OR8B2: variants seen among roughly 807,000 people sequenced by gnomAD.
OR8B2 encodes olfactory receptor family 8 subfamily B member 2.
For synonymous variants in OR8B2, 98 were observed against 138.2 expected, an observed-to-expected ratio of 0.71 and a Z score of 2.04; for missense variants, 304 against 379.6, an observed-to-expected ratio of 0.80 and a Z score of 1.65.
At chr11:124,389,076 G>A (rs1009707933), upstream of OR8B2, among the ~76,000 whole-genome samples, 1 of 151,820 alleles carries the variant, frequency 6.6e-6, no homozygotes, top group Non-Finnish European at 1.5e-5. Flanking sequence ...CGCCTGCCTC[G>A]GCCTCCCAAG....
chr11:124,390,415 T>A, the OR8B2 span, among the ~76,000 whole-genome samples: 1 of 152,178 alleles, frequency 6.6e-6, no homozygotes, highest in African/African-American at 2.4e-5. Context: ...AAGAATTATC[T>A]TAGGCCACAC....
the OR8B2 span, chr11:124,396,080 G>A: frequency 1.7e-3 from 330 of 189,506 alleles, 2 homozygotes; most frequent in African/African-American, 7.5e-3. Context: ...TGAGAAAGCC[G>A]TGACTTTGAC....
chr11:124,394,892 G>A, the OR8B2 span, among the ~76,000 whole-genome samples: 1 of 152,120 alleles, frequency 6.6e-6, no homozygotes, highest in African/African-American at 2.4e-5. Context: ...TACATTTATT[G>A]TTGGTGTTAA....
the OR8B2 span, chr11:124,396,651 C>A: frequency 6.2e-7 from 1 of 1,611,382 alleles, no homozygotes; most frequent in Non-Finnish European, 8.5e-7. Flanking sequence ...GGCTTTTGAT[C>A]TTCCTTGAGT....
At chr11:124,396,988 G>A in the OR8B2 span, 17 of 1,613,594 alleles carry the variant, frequency 1.1e-5, no homozygotes, top group South Asian at 4.4e-5. Context: ...GCCACATAGC[G>A]ATCATATGCC....
chr11:124,396,402 G>T, the OR8B2 span: 49 of 1,582,632 alleles, frequency 3.1e-5, no homozygotes, highest in Non-Finnish European at 4.0e-5. Context: ...CATTATTACT[G>T]CTTCTAATTA....
At chr11:124,388,461 A>G (rs1011125273), upstream of OR8B2, among the ~76,000 whole-genome samples, 1 of 152,162 alleles carries the variant, frequency 6.6e-6, no homozygotes, top group African/African-American at 2.4e-5. Context: ...ATGCATTGAC[A>G]TTAAGACTGC....
the OR8B2 span, among the ~76,000 whole-genome samples, chr11:124,394,538 G>A: frequency 3.3e-5 from 5 of 152,172 alleles, no homozygotes; most frequent in Admixed American, 1.3e-4. Flanking sequence ...TCTTGGTCAG[G>A]AGGATAGGAA....
At chr11:124,389,017 G>A (rs1426579031), upstream of OR8B2, among the ~76,000 whole-genome samples, 1 of 151,758 alleles carries the variant, frequency 6.6e-6, no homozygotes, top group African/African-American at 2.4e-5. Context: ...GTAGAGACGG[G>A]GTTTCACCGT....
the OR8B2 span, chr11:124,396,601 A>C: frequency 6.3e-5 from 102 of 1,612,714 alleles, no homozygotes; most frequent in Non-Finnish European, 7.6e-5. Context: ...GACCCAAAAA[A>C]CAGAGACAGA....
chr11:124,383,264 A>T lies in OR8B2; in HGVS notation c.80T>A (p.Leu27His). ...GTAGATCACTAGAAACAGGAAAAAGAGGGGTTGCCGGAACTCTGGATGATC... is the reference window on the plus strand; with the variant it reads ...GTAGATCACTAGAAACAGGAAAAAGTGGGGTTGCCGGAACTCTGGATGATC... The part of the protein sequence containing the change: ...LTDHPEFRQP[L>H]FFLFLVIYIV... Residue 27 changes from leucine to histidine, a missense_variant, in exon 2 of 2, where the codon CTC becomes CAC. Physicochemically the swap from Leu to His is moderately conservative, Grantham distance 99. Coordinates refer to ENST00000641451, the MANE Select transcript of OR8B2 (RefSeq NM_001005468.2). 6.2e-7 allele frequency: 1 copy of T among 1,613,996 alleles called. No individual in the cohort carries two copies.
upstream of OR8B2, among the ~76,000 whole-genome samples, chr11:124,385,860 T>A (rs968761269): frequency 1.3e-5 from 2 of 152,052 alleles, no homozygotes; most frequent in Non-Finnish European, 2.9e-5. Flanking sequence ...CTTGAACTCC[T>A]GGTCTCAAGA....
the OR8B2 span, among the ~76,000 whole-genome samples, chr11:124,391,031 CA>C: frequency 1.3e-5 from 2 of 152,176 alleles, no homozygotes; most frequent in East Asian, 3.8e-4. Context: ...CCTTGGTCAA[CA>C]ATCAATTGAC....
At chr11:124,386,179 T>A (rs1860696236), upstream of OR8B2, among the ~76,000 whole-genome samples, 1 of 151,774 alleles carries the variant, frequency 6.6e-6, no homozygotes, top group Non-Finnish European at 1.5e-5. Context: ...TACCTTTTTT[T>A]TTTGTCCCTG....
the OR8B2 span, among the ~76,000 whole-genome samples, chr11:124,392,269 C>T: frequency 0.11 from 9,619 of 89,200 alleles, 287 homozygotes; most frequent in African/African-American, 0.13. Context: ...CCAGGGCAAT[C>T]AGGCAGGAGA....
upstream of OR8B2, among the ~76,000 whole-genome samples, chr11:124,388,079 A>G (rs1172465514): frequency 6.6e-6 from 1 of 152,126 alleles, no homozygotes; most frequent in Non-Finnish European, 1.5e-5. Flanking sequence ...TTGGTGTATA[A>G]GAATGCTTGT....
Position 124,383,022 on chromosome 11 carries a change from C to A in OR8B2, c.322G>T (p.Val108Phe). 2 of 1,613,440 alleles carry A rather than the reference C, an allele frequency of 1.2e-6. No individual in the cohort carries two copies. The highest frequency in any genetic ancestry group is 1.3e-5 in the African/African-American group (1 of 74,824). The stretch of plus-strand genomic sequence containing the variant: ...GTCAACATGTAACATTCAGAGATGA[C>A]GAAAAAGAGAAAGAAAAACAGCCGA... ...MTRLFFFLFFVISECYMLTSM... is the reference protein window; with the variant it reads ...MTRLFFFLFFFISECYMLTSM... The change falls in exon 2 of 2, where the codon GTC becomes TTC. Residue 108 changes from valine (V) to phenylalanine (F), a missense_variant. Physicochemically the swap from Val to Phe is conservative, Grantham distance 50 (BLOSUM62 -1). Coordinates refer to ENST00000641451, the MANE Select transcript of OR8B2 (RefSeq NM_001005468.2).
chr11:124,394,362 T>G, the OR8B2 span, among the ~76,000 whole-genome samples: 5 of 152,108 alleles, frequency 3.3e-5, no homozygotes, highest in African/African-American at 7.2e-5. Flanking sequence ...GAAATAGACT[T>G]GCAACACATT....
At chr11:124,387,867 G>A (rs1444648086), upstream of OR8B2, among the ~76,000 whole-genome samples, 5 of 151,124 alleles carry the variant, frequency 3.3e-5, no homozygotes, top group Admixed American at 1.3e-4. Flanking sequence ...CCATTTTCAC[G>A]ATATTGATTC....
Sources: allele counts gnomAD v4.1 joint callset (sites outside exome capture counted in the v4.1 genomes callset), GRCh38; gene constraint gnomAD v4.1.1; transcripts MANE v1.5; gene names NCBI Gene and HGNC (gene_info 2026-07-23, HGNC 2026-07-21).